The following ACOXL variants were observed in gnomAD, a reference collection of about 807,000 sequenced individuals.
ACOXL encodes the protein acyl-coenzyme A oxidase-like protein.
ACOXL carries 70 observed loss-of-function variants against 71.9 expected under a neutral mutation model. That is an observed-to-expected ratio of 0.97 (90% CI 0.80 to 1.19). The LOEUF is 1.19. Among genes scored for constraint, ACOXL ranks in the 50% most tolerant of loss-of-function variants. The pLI is 0.00. For missense variants in ACOXL, 703 were observed against 736.3 expected, an observed-to-expected ratio of 0.95 and a Z score of 0.52; for synonymous variants, 253 against 281.6, an observed-to-expected ratio of 0.90 and a Z score of 1.02.
intron 12 of ACOXL, among the ~76,000 whole-genome samples, chr2:110,942,802 G>A (rs1237516461): frequency 6.6e-6 from 1 of 151,102 alleles, no homozygotes; most frequent in East Asian, 1.9e-4. Context: ...AGAATTACTT[G>A]AACCCTAAGA....
rs991120550 is a variant in ACOXL, at chr2:111,117,873, C to G, written c.*57C>G. 95 of 1,513,524 alleles carry G rather than the reference C, an allele frequency of 6.3e-5. No individual in the cohort carries two copies. Among genetic ancestry groups the G allele is most frequent in the Non-Finnish European group, 7.5e-5 (85 of 1,130,450 alleles). The allele number at this position is 1,513,524 out of a possible 1,614,324, so 93.8% of individuals were successfully genotyped here. A position where few individuals can be genotyped will look rare whatever the true frequency, so the allele number is the denominator to read the frequency against. ...GCAGCTGCCACGACGCTCGCTCCAC[C>G]GACGCCCAGAGCTGTGGCCGAGGCC... is the stretch of plus-strand genomic sequence containing the variant. On this transcript the variant is annotated 3_prime_UTR_variant, in exon 18 of 18. Coordinates refer to ENST00000439055, the MANE Select transcript of ACOXL (RefSeq NM_001142807.4).
At chr2:110,950,894 C>G (rs1370105586) in intron 12 of ACOXL, among the ~76,000 whole-genome samples, 1 of 151,366 alleles carries the variant, frequency 6.6e-6, no homozygotes, top group African/African-American at 2.4e-5. Flanking sequence ...TCTGGAGTCC[C>G]CGAATCTGTG....
chr2:110,958,627 A>G (rs893480164), intron 12 of ACOXL, among the ~76,000 whole-genome samples: 2 of 152,258 alleles, frequency 1.3e-5, no homozygotes, highest in Admixed American at 6.5e-5. Context: ...GCTGAGAGAA[A>G]TGAAACCAAA....
chr2:110,817,068 C>T (rs79931170), intron 9 of ACOXL, among the ~76,000 whole-genome samples: 7,412 of 152,292 alleles, frequency 0.049, 283 homozygotes, highest in Non-Finnish European at 0.065. Context: ...TCACACAGTG[C>T]GAGGCACACA....
chr2:111,041,316 G>A (rs1391336702), intron 15 of ACOXL, among the ~76,000 whole-genome samples: 3 of 152,156 alleles, frequency 2.0e-5, no homozygotes, highest in Non-Finnish European at 4.4e-5. Flanking sequence ...TCAATGCCAC[G>A]CATGAGGCAA....
At chr2:110,791,274 C>T (rs900222031) in intron 3 of ACOXL, among the ~76,000 whole-genome samples, 70 of 152,226 alleles carry the variant, frequency 4.6e-4, no homozygotes, top group African/African-American at 1.6e-3. Context: ...CTTCCACAGC[C>T]CAGGGTGCCT....
At chr2:110,769,795 C>G (rs760450204) in intron 2 of ACOXL, among the ~76,000 whole-genome samples, 1 of 152,118 alleles carries the variant, frequency 6.6e-6, no homozygotes, top group Non-Finnish European at 1.5e-5. Flanking sequence ...GATTGCGCCA[C>G]TGCACTCCAG....
intron 1 of ACOXL, among the ~76,000 whole-genome samples, chr2:110,742,184 A>G (rs797017471): frequency 6.6e-6 from 1 of 152,182 alleles, no homozygotes; most frequent in Admixed American, 6.5e-5. Context: ...TCATAGGAGA[A>G]CAAAGCATGT....
intron 9 of ACOXL, among the ~76,000 whole-genome samples, chr2:110,807,342 A>G (rs899648176): frequency 6.6e-6 from 1 of 152,204 alleles, no homozygotes; most frequent in Admixed American, 6.5e-5. Flanking sequence ...GCGATGCTCC[A>G]TAGCTGACAG....
intron 13 of ACOXL, among the ~76,000 whole-genome samples, chr2:110,993,386 G>T (rs529732080): frequency 2.3e-4 from 35 of 152,296 alleles, no homozygotes; most frequent in African/African-American, 6.3e-4. Context: ...AACAGAACCA[G>T]GCAGTATGTA....
chr2:110,890,692 AC>A (rs1298939002), intron 10 of ACOXL, among the ~76,000 whole-genome samples: 2 of 152,140 alleles, frequency 1.3e-5, no homozygotes, highest in African/African-American at 2.4e-5. Context: ...TGCCAGTATC[AC>A]CTTTTCTCAA....
At chr2:110,826,765 T>C (rs539003070) in intron 9 of ACOXL, among the ~76,000 whole-genome samples, 74 of 145,376 alleles carry the variant, frequency 5.1e-4, no homozygotes, top group African/African-American at 2.1e-3. Flanking sequence ...TTTTTTTTTT[T>C]TTCCTTTTTT....
intron 11 of ACOXL, among the ~76,000 whole-genome samples, chr2:110,928,897 T>C (rs185705257): frequency 2.0e-5 from 3 of 152,354 alleles, no homozygotes; most frequent in African/African-American, 7.2e-5. Context: ...CCTGCCACCA[T>C]GTAAGACATG....
At chr2:111,044,020 G>A (rs1033915624) in intron 15 of ACOXL, among the ~76,000 whole-genome samples, 2 of 152,196 alleles carry the variant, frequency 1.3e-5, no homozygotes, top group Non-Finnish European at 2.9e-5. Flanking sequence ...TACAAAGCAA[G>A]CTTACAACAT....
intron 17 of ACOXL, among the ~76,000 whole-genome samples, chr2:111,114,674 G>A (rs2070222959): frequency 6.6e-6 from 1 of 152,124 alleles, no homozygotes; most frequent in East Asian, 1.9e-4. Flanking sequence ...ATCTATTATA[G>A]GACTAACACC....
intron 12 of ACOXL, chr2:110,968,120 C>G: frequency 3.0e-6 from 4 of 1,340,514 alleles, no homozygotes; most frequent in Non-Finnish European, 1.1e-6. Flanking sequence ...ACAAATTATG[C>G]TGCAGAGTAT....
Position 111,108,118 on chromosome 2 carries a change from T to C in ACOXL, c.1543-9498T>C, listed in dbSNP as rs147424406. 5.9e-5 allele frequency among the ~76,000 whole-genome samples: 9 copies of C among 152,266 alleles called. No homozygotes were observed. The East Asian group carries it at 1.7e-3, about 29-fold the overall frequency. On this transcript the variant is annotated intron_variant, in intron 17 of 17. Transcript: ENST00000439055. The stretch of plus-strand genomic sequence containing the variant: ...GGCAAAATTAGGGAAATAAAATGTA[T>C]CGGGTTTTTCATAATGCAAGATAAG...
intron 14 of ACOXL, among the ~76,000 whole-genome samples, chr2:111,019,058 C>T (rs1179828476): frequency 6.6e-6 from 1 of 152,204 alleles, no homozygotes; most frequent in Non-Finnish European, 1.5e-5. Context: ...GTACATTTTT[C>T]TGCCTTATGT....
intron 1 of ACOXL, among the ~76,000 whole-genome samples, chr2:110,768,162 G>A (rs563992769): frequency 3.6e-4 from 54 of 151,984 alleles, no homozygotes; most frequent in South Asian, 6.2e-4. Context: ...AGAATAAGAT[G>A]GTCTTGTCAG....
Sources: allele counts gnomAD v4.1 joint callset (sites outside exome capture counted in the v4.1 genomes callset), GRCh38; gene constraint gnomAD v4.1.1; transcripts MANE v1.5; gene names NCBI Gene and HGNC (gene_info 2026-07-23, HGNC 2026-07-21).